Variants in NFIL3 observed in about 807,000 individuals in gnomAD.
The protein encoded by NFIL3 is nuclear factor interleukin-3-regulated protein.
NFIL3 carries 5 observed loss-of-function variants against 10.0 expected under a neutral mutation model. The ratio of observed to expected loss-of-function variants is 0.50; its 90% CI spans 0.26 to 1.06. The LOEUF is 1.06. NFIL3 is among the 50% of genes least tolerant of loss of function. The probability of loss-of-function intolerance (pLI) is 0.13; values close to 1 mark genes in which losing one functional copy is unlikely to be tolerated. For missense variants in NFIL3, 436 were observed against 547.6 expected, an observed-to-expected ratio of 0.80 and a Z score of 2.03; for synonymous variants, 202 against 206.5, an observed-to-expected ratio of 0.98 and a Z score of 0.19.
chr9:91,453,986 C>A, the NFIL3 span, among the ~76,000 whole-genome samples: 5 of 151,926 alleles, frequency 3.3e-5, no homozygotes, highest in South Asian at 2.1e-4. Context: ...GTAGTCCCAG[C>A]ACTTTGGGAG....
the NFIL3 span, among the ~76,000 whole-genome samples, chr9:91,468,143 A>T: frequency 1.3e-5 from 2 of 152,216 alleles, no homozygotes; most frequent in East Asian, 3.8e-4. Flanking sequence ...ACTAGTTTAC[A>T]GTCCCACCAA....
At chr9:91,460,553 G>A in the NFIL3 span, among the ~76,000 whole-genome samples, 3 of 151,966 alleles carry the variant, frequency 2.0e-5, no homozygotes, top group Non-Finnish European at 2.9e-5. Context: ...CTGGGATTAC[G>A]GGTGTGAGCC....
chr9:91,424,883 T>G (rs989417160), upstream of NFIL3, among the ~76,000 whole-genome samples: 1 of 152,198 alleles, frequency 6.6e-6, no homozygotes, highest in Admixed American at 6.5e-5. Context: ...TACGGTAGTC[T>G]TCTCTCCCAA....
the NFIL3 span, among the ~76,000 whole-genome samples, chr9:91,461,296 T>TA: frequency 6.6e-6 from 1 of 152,212 alleles, no homozygotes; most frequent in Non-Finnish European, 1.5e-5. Flanking sequence ...TTTGACTTCT[T>TA]AAAATTTTTT....
chr9:91,410,316 T>A lies in NFIL3; in HGVS notation c.419A>T (p.Lys140Ile). 6.2e-7 allele frequency: 1 copy of A among 1,614,232 alleles called. No individual in the cohort carries two copies. The highest frequency in any genetic ancestry group is 2.2e-5 in the East Asian group (1 of 44,890). Residue 140 changes from lysine to isoleucine, a missense_variant, in exon 2 of 2, where the codon AAA becomes ATA. Physicochemically the swap from Lys to Ile is moderately radical, Grantham distance 102. Around this residue, in one of 3 missense-constraint regions of NFIL3, gnomAD observed 338 missense variants for 399.9 expected, o/e 0.85. Coordinates refer to ENST00000297689, the MANE Select transcript of NFIL3 (RefSeq NM_005384.3). This position sits in a 1 kb window ranked among gnomAD's most constrained non-coding sequence, Gnocchi z 5.7. ...GTACACAGCTGTAGAATTACTGAGT[T>A]TCTGAATCTCTTGAGCATATGCTGT... ...SSTAYAQEIQ[K>I]LSNSTAVYFQ...
chr9:91,457,264 T>C, the NFIL3 span, among the ~76,000 whole-genome samples: 1 of 152,098 alleles, frequency 6.6e-6, no homozygotes, highest in Admixed American at 6.5e-5. Flanking sequence ...AAAAACTTTC[T>C]GGAATTTTTA....
At chr9:91,478,947 CCT>C in the NFIL3 span, among the ~76,000 whole-genome samples, 2 of 152,102 alleles carry the variant, frequency 1.3e-5, no homozygotes, top group African/African-American at 4.8e-5. Flanking sequence ...CACTCCAGAC[CCT>C]GTTTGCCTGG....
the NFIL3 span, among the ~76,000 whole-genome samples, chr9:91,436,924 A>G: frequency 2.0e-5 from 3 of 152,100 alleles, no homozygotes; most frequent in African/African-American, 7.2e-5. Context: ...GTGGAAGACA[A>G]TTTTTCCACG....
chr9:91,448,134 C>T, the NFIL3 span, among the ~76,000 whole-genome samples: 3 of 151,954 alleles, frequency 2.0e-5, no homozygotes, highest in Admixed American at 2.0e-4. Flanking sequence ...TTTTCAAACT[C>T]TCAATTTTAT....
At chr9:91,466,947 C>A in the NFIL3 span, among the ~76,000 whole-genome samples, 1 of 152,074 alleles carries the variant, frequency 6.6e-6, no homozygotes, top group Admixed American at 6.6e-5. Flanking sequence ...AGTAGAATAC[C>A]TTCCACAAGT....
chr9:91,474,807 C>T, the NFIL3 span, among the ~76,000 whole-genome samples: 16,771 of 152,162 alleles, frequency 0.11, 1,169 homozygotes, highest in African/African-American at 0.2. Flanking sequence ...CAAAAGCAGC[C>T]ATGGGCAATA....
the NFIL3 span, among the ~76,000 whole-genome samples, chr9:91,475,168 T>C: frequency 6.6e-6 from 1 of 152,214 alleles, no homozygotes; most frequent in Non-Finnish European, 1.5e-5. Flanking sequence ...TACCCACTCA[T>C]TACTTTGTTC....
At chr9:91,413,775 C>T (rs1486507875) in intron 1 of NFIL3, among the ~76,000 whole-genome samples, 1 of 152,186 alleles carries the variant, frequency 6.6e-6, no homozygotes, top group Non-Finnish European at 1.5e-5. Flanking sequence ...CAAATCTCCA[C>T]TATACTCTTG....
At position 91,409,956 on chromosome 9, in the gene NFIL3, G is replaced by A. The variant is rs370930633; in HGVS notation, c.779C>T (p.Pro260Leu). The change falls in exon 2 of 2, where the codon CCA becomes CTA. Residue 260 changes from proline to leucine, a missense_variant. Pro to Leu is a moderately conservative substitution (Grantham distance 98, BLOSUM62 -3). Transcript: ENST00000297689. The part of the protein sequence containing the change: ...NSFSGYSHSP[P>L]LLQVNRSSSN... Reference sequence around the variant, plus strand: ...GGAGGATCGGTTGACTTGCAGTAGTGGGGGAGAGTGTGAGTACCCAGAGAA... The same window carrying A: ...GGAGGATCGGTTGACTTGCAGTAGTAGGGGAGAGTGTGAGTACCCAGAGAA... The A allele has an allele frequency of 4.3e-6, 7 of 1,613,510 alleles. No individual in the cohort carries two copies. The highest frequency in any genetic ancestry group is 4.5e-5 in the East Asian group (2 of 44,888).
At chr9:91,467,269 A>G in the NFIL3 span, among the ~76,000 whole-genome samples, 1 of 152,182 alleles carries the variant, frequency 6.6e-6, no homozygotes, top group Non-Finnish European at 1.5e-5. Context: ...GTATGTATAC[A>G]TGTGTATATG....
At chr9:91,415,264 GATA>G (rs1238536734) in intron 1 of NFIL3, among the ~76,000 whole-genome samples, 1 of 152,182 alleles carries the variant, frequency 6.6e-6, no homozygotes, top group Non-Finnish European at 1.5e-5. Context: ...TTGTCATGGA[GATA>G]ATAACAAAAA....
At chr9:91,452,524 C>G in the NFIL3 span, among the ~76,000 whole-genome samples, 1 of 152,140 alleles carries the variant, frequency 6.6e-6, no homozygotes, top group Admixed American at 6.5e-5. Flanking sequence ...CCTGTAATCC[C>G]TGCACTTTGG....
chr9:91,456,305 A>T, the NFIL3 span, among the ~76,000 whole-genome samples: 2 of 152,152 alleles, frequency 1.3e-5, no homozygotes, highest in African/African-American at 4.8e-5. Context: ...GAAACTTGCC[A>T]AACAGCTTTC....
the NFIL3 span, among the ~76,000 whole-genome samples, chr9:91,438,695 A>C: frequency 6.6e-6 from 1 of 152,276 alleles, no homozygotes; most frequent in Admixed American, 6.5e-5. Context: ...GCATGATGTA[A>C]GATAACAGTC....
Sources: gnomAD v4.1 joint callset for allele counts (sites outside exome capture counted in the v4.1 genomes callset) on GRCh38, gnomAD v4.1.1 for gene constraint, gnomAD v4.1.1 regional missense constraint, Gnocchi (gnomAD v3.1) non-coding constraint, MANE v1.5 for transcripts, NCBI Gene and HGNC (gene_info 2026-07-23, HGNC 2026-07-21) for gene names.